NTRK2: variants seen among roughly 807,000 people sequenced by gnomAD.
The protein encoded by NTRK2 is neurotrophic receptor tyrosine kinase 2.
A neutral mutation model predicts 94.5 loss-of-function variants in NTRK2; 13 were observed. That is an observed-to-expected ratio of 0.14 (90% CI 0.09 to 0.22). NTRK2 has a LOEUF of 0.22. Ranked by LOEUF, NTRK2 falls within the 10% of genes least tolerant of loss-of-function variation. The pLI is 1.00. For synonymous variants in NTRK2, 372 were observed against 407.4 expected, an observed-to-expected ratio of 0.91 and a Z score of 1.05; for missense variants, 639 against 1,071.2, an observed-to-expected ratio of 0.60 and a Z score of 5.63.
chr9:84,802,982 G>A (rs537070587), intron 12 of NTRK2, among the ~76,000 whole-genome samples: 4 of 152,256 alleles, frequency 2.6e-5, no homozygotes, highest in South Asian at 4.2e-4. Context: ...TTTAAGTTGG[G>A]TATGCCTCCC....
intron 12 of NTRK2, among the ~76,000 whole-genome samples, chr9:84,769,159 G>A (rs754239046): frequency 3.3e-5 from 5 of 152,110 alleles, no homozygotes; most frequent in South Asian, 2.1e-4. Flanking sequence ...ATGTGTTGAC[G>A]TAATTGCCTT....
At chr9:84,892,049 T>C (rs1320505129) in intron 14 of NTRK2, among the ~76,000 whole-genome samples, 1 of 152,184 alleles carries the variant, frequency 6.6e-6, no homozygotes, top group African/African-American at 2.4e-5. Context: ...AGGAGTTTTT[T>C]CACTGCAATC....
At chr9:84,844,550 C>G (rs749479838) in intron 12 of NTRK2, among the ~76,000 whole-genome samples, 1 of 151,760 alleles carries the variant, frequency 6.6e-6, no homozygotes, top group Non-Finnish European at 1.5e-5. Context: ...AAACAGCTGA[C>G]ATTTCTGAAG....
At chr9:84,896,947 C>T (rs1436395478) in intron 14 of NTRK2, among the ~76,000 whole-genome samples, 2 of 152,160 alleles carry the variant, frequency 1.3e-5, no homozygotes, top group Non-Finnish European at 2.9e-5. Context: ...ACCACCTTCC[C>T]TTCCTAGAAT....
chr9:84,765,700 C>T (rs1005818752), intron 12 of NTRK2, among the ~76,000 whole-genome samples: 8 of 151,978 alleles, frequency 5.3e-5, no homozygotes, highest in Non-Finnish European at 7.4e-5. Flanking sequence ...ATTGTCTTGC[C>T]CCTGGGTAAT....
chr9:85,026,135 A>AT lies in NTRK2; in HGVS notation c.*4698_*4699insT, dbSNP rs1373693128. On this transcript the variant is annotated 3_prime_UTR_variant, in exon 19 of 19. Coordinates refer to ENST00000277120, the MANE Select transcript of NTRK2 (RefSeq NM_006180.6). ...GCACAAACACAAAGCAAAGCAAAAA[A>AT]AAAAATATATATATATATATCTGTA... is the stretch of plus-strand genomic sequence containing the variant. The AT allele has an allele frequency of 1.1e-3, 223 of 207,454 alleles. 2 individuals are homozygous for AT. Among genetic ancestry groups the AT allele is most frequent in the African/African-American group, 2.2e-3 (93 of 42,076 alleles). The allele number at this position is 207,454 out of a possible 1,614,324, so 12.9% of individuals were successfully genotyped here. A position where few individuals can be genotyped will look rare whatever the true frequency, so the allele number is the denominator to read the frequency against.
chr9:84,775,887 T>C (rs1399905789), intron 12 of NTRK2, among the ~76,000 whole-genome samples: 1 of 152,182 alleles, frequency 6.6e-6, no homozygotes, highest in East Asian at 1.9e-4. Context: ...TCTCAGGTGA[T>C]TTATATGCTC....
At chr9:84,725,284 A>T (rs1437065295) in intron 8 of NTRK2, among the ~76,000 whole-genome samples, 3 of 152,202 alleles carry the variant, frequency 2.0e-5, no homozygotes, top group Non-Finnish European at 2.9e-5. Context: ...AATGATTGAA[A>T]TCATCAGCTG....
chr9:84,686,783 A>G (rs2059742888), intron 2 of NTRK2, among the ~76,000 whole-genome samples: 1 of 152,220 alleles, frequency 6.6e-6, no homozygotes. Context: ...TAGACATTTG[A>G]GAAGTTTTGA....
chr9:84,893,759 G>A (rs11788063), intron 14 of NTRK2, among the ~76,000 whole-genome samples: 16,858 of 152,146 alleles, frequency 0.11, 1,420 homozygotes, highest in African/African-American at 0.23. Flanking sequence ...TGTATCGCTG[G>A]GGATGAAGCT....
At chr9:84,933,265 C>T (rs2078101558) in intron 14 of NTRK2, among the ~76,000 whole-genome samples, 1 of 152,220 alleles carries the variant, frequency 6.6e-6, no homozygotes, top group South Asian at 2.1e-4. Flanking sequence ...AGGCACAGCT[C>T]ACATGTACTT....
intron 12 of NTRK2, among the ~76,000 whole-genome samples, chr9:84,798,912 C>CCATATATATA (rs376082856): frequency 4.3e-4 from 55 of 128,048 alleles, no homozygotes; most frequent in African/African-American, 1.7e-3. Context: ...CTTCTAAGTG[C>CCATATATATA]TATATATATA....
chr9:85,014,965 C>T lies in NTRK2; in HGVS notation c.2173-5241C>T, dbSNP rs141208547. On this transcript the variant is annotated intron_variant, in intron 17 of 18. Transcript: ENST00000277120. Reference sequence around the variant, plus strand: ...TTTTTTCAGCTTGATTTATTTTAGGCACTATGGAATTTCTTTTTGGCCTTG... The same window carrying T: ...TTTTTTCAGCTTGATTTATTTTAGGTACTATGGAATTTCTTTTTGGCCTTG... Among the ~76,000 whole-genome samples the T allele has an allele frequency of 3.9e-3, 590 of 152,136 alleles. 7 individuals are homozygous for T. Among genetic ancestry groups the T allele is most frequent in the African/African-American group, 0.013 (556 of 41,514 alleles).
At chr9:84,672,874 G>A (rs1265179012) in intron 2 of NTRK2, among the ~76,000 whole-genome samples, 1 of 152,088 alleles carries the variant, frequency 6.6e-6, no homozygotes, top group East Asian at 1.9e-4. Context: ...TCTGATGGCA[G>A]GTTCCTATTT....
intron 14 of NTRK2, among the ~76,000 whole-genome samples, chr9:84,891,281 A>G (rs1190146599): frequency 7.7e-6 from 1 of 129,576 alleles, no homozygotes; most frequent in African/African-American, 3.4e-5. Context: ...AGGTTCTAGA[A>G]TGAGCACTGT....
chr9:84,962,301 G>A (rs562911282), intron 17 of NTRK2, among the ~76,000 whole-genome samples: 41 of 152,324 alleles, frequency 2.7e-4, no homozygotes, highest in African/African-American at 8.9e-4. Context: ...CATAAGGTAA[G>A]CAATCTCTTT....
intron 15 of NTRK2, among the ~76,000 whole-genome samples, chr9:84,942,757 T>G (rs1209257555): frequency 1.3e-5 from 2 of 151,784 alleles, no homozygotes; most frequent in South Asian, 2.1e-4. Flanking sequence ...TATAGCAAGG[T>G]CTCAAAATCT....
intron 15 of NTRK2, among the ~76,000 whole-genome samples, chr9:84,944,211 T>TCACACACACACACA (rs1226529948): frequency 3.3e-4 from 46 of 139,028 alleles, no homozygotes; most frequent in African/African-American, 1.2e-3. Context: ...TCTCTCTCTC[T>TCACACACACACACA]CTCTCACACA....
chr9:84,686,073 A>C (rs1013855299), intron 2 of NTRK2, among the ~76,000 whole-genome samples: 3 of 152,234 alleles, frequency 2.0e-5, no homozygotes, highest in African/African-American at 7.2e-5. Context: ...AACTCTAAAT[A>C]AGAGTATTAG....
Sources: allele counts gnomAD v4.1 joint callset (sites outside exome capture counted in the v4.1 genomes callset), GRCh38; gene constraint gnomAD v4.1.1; transcripts MANE v1.5; gene names NCBI Gene and HGNC (gene_info 2026-07-23, HGNC 2026-07-21).